Variants in TMEM255B observed in about 807,000 individuals in gnomAD.
The protein encoded by TMEM255B is transmembrane protein 255B.
Under a neutral mutation model 34.5 loss-of-function variants are expected in TMEM255B, and 35 were observed. That is an observed-to-expected ratio of 1.01 (90% CI 0.77 to 1.34). TMEM255B has a LOEUF of 1.34. Ranked by LOEUF, TMEM255B falls within the 40% of genes most tolerant of loss-of-function variation. TMEM255B has a pLI of 0.00. For synonymous variants in TMEM255B, 206 were observed against 201.2 expected, an observed-to-expected ratio of 1.02 and a Z score of -0.20; for missense variants, 432 against 433.2, an observed-to-expected ratio of 1.00 and a Z score of 0.02.
intron 3 of TMEM255B, among the ~76,000 whole-genome samples, chr13:113,794,492 A>G (rs1258641931): frequency 6.6e-6 from 1 of 152,060 alleles, no homozygotes; most frequent in East Asian, 1.9e-4. Context: ...GCGGCCATTC[A>G]GGAGGGTCTG....
At chr13:113,786,488 GTCACCATCA>G (rs1431190550) in intron 3 of TMEM255B, among the ~76,000 whole-genome samples, 3 of 149,268 alleles carry the variant, frequency 2.0e-5, no homozygotes, top group Non-Finnish European at 4.4e-5. Context: ...CATCACTGTT[GTCACCATCA>G]TCACCATCAC....
intron 7 of TMEM255B, among the ~76,000 whole-genome samples, chr13:113,803,631 T>G (rs2051106199): frequency 8.5e-6 from 1 of 118,238 alleles, no homozygotes; most frequent in African/African-American, 2.9e-5. Context: ...CTGTCAGAAC[T>G]GCAAATCTCC....
chr13:113,768,011 G>T (rs994473644), intron 2 of TMEM255B: 1 of 341,184 alleles, frequency 2.9e-6, no homozygotes, highest in African/African-American at 2.2e-5. Context: ...ATGTGTACGT[G>T]TCTATCACCA....
chr13:113,772,123 A>G (rs773274557), intron 3 of TMEM255B, among the ~76,000 whole-genome samples: 1 of 152,116 alleles, frequency 6.6e-6, no homozygotes, highest in Admixed American at 6.5e-5. Context: ...TCATGTGCCT[A>G]TTGGCCGTTT....
intron 3 of TMEM255B, among the ~76,000 whole-genome samples, chr13:113,794,380 T>C (rs7326506): frequency 0.25 from 37,652 of 151,696 alleles, 5,189 homozygotes; most frequent in African/African-American, 0.37. Context: ...CCTCTGCTGT[T>C]ACCGATGGGT....
intron 3 of TMEM255B, among the ~76,000 whole-genome samples, chr13:113,781,035 AT>A (rs1311136832): frequency 2.0e-5 from 3 of 152,220 alleles, no homozygotes; most frequent in Non-Finnish European, 4.4e-5. Flanking sequence ...TTCCTGTATA[AT>A]TTTTATACCA....
At chr13:113,783,259 C>T (rs563065987) in intron 3 of TMEM255B, among the ~76,000 whole-genome samples, 79 of 152,162 alleles carry the variant, frequency 5.2e-4, no homozygotes, top group Middle Eastern at 3.4e-3. Flanking sequence ...TCCATGCCTG[C>T]GAGGGGACAG....
rs151299744 is a variant in TMEM255B at position 113,770,036 on chromosome 13, C to T, written c.252+876C>T. 2.6e-4 allele frequency among the ~76,000 whole-genome samples: 39 copies of T among 152,228 alleles called. 1 individual carries two copies. The highest frequency in any genetic ancestry group is 7.2e-4 in the Admixed American group (11 of 15,284). On this transcript the variant is annotated intron_variant, in intron 3 of 8. Coordinates refer to ENST00000375353, the MANE Select transcript of TMEM255B (RefSeq NM_182614.4). The surrounding 1 kb of genome is among the most constrained non-coding windows in gnomAD (Gnocchi z 4.6). Reference sequence around the variant, plus strand: ...GAGGGAGGGTGAGATGGCTGGGCCGCGGTGTATGCCCTCGGAACCCTGTAT... The same window carrying T: ...GAGGGAGGGTGAGATGGCTGGGCCGTGGTGTATGCCCTCGGAACCCTGTAT...
At chr13:113,808,753 T>G (rs2051234133) in intron 8 of TMEM255B, among the ~76,000 whole-genome samples, 1 of 128,330 alleles carries the variant, frequency 7.8e-6, no homozygotes, top group East Asian at 2.8e-4. Context: ...TCTTTGGGGT[T>G]TAACTCTGTG....
rs533653673 is a variant in TMEM255B at position 113,800,051 on chromosome 13, G to A, written c.423+632G>A. 3.3e-6 allele frequency: 4 copies of A among 1,206,536 alleles called. No homozygotes were observed. The African/African-American group carries it at 6.3e-5, about 19-fold the overall frequency. 74.7% of individuals were successfully genotyped at this position (1,206,536 alleles called of 1,614,324 possible). A position where few individuals can be genotyped will look rare whatever the true frequency, so the allele number is the denominator to read the frequency against. On this transcript the variant is annotated intron_variant, in intron 5 of 8. Coordinates refer to ENST00000375353, the MANE Select transcript of TMEM255B (RefSeq NM_182614.4). Reference sequence around the variant, plus strand: ...GCTTGTCTGGGACTCTCCAGCAGCTGCCGGGAGGCATCGTGTGTGTGTGTG... The same window carrying A: ...GCTTGTCTGGGACTCTCCAGCAGCTACCGGGAGGCATCGTGTGTGTGTGTG...
intron 5 of TMEM255B, among the ~76,000 whole-genome samples, chr13:113,800,358 G>C (rs921708758): frequency 6.2e-5 from 9 of 146,000 alleles, no homozygotes; most frequent in Non-Finnish European, 1.2e-4. Context: ...GGTGTCCCCT[G>C]GCCAGGGCTT....
rs1272116168 is a variant in TMEM255B, at chr13:113,799,412, AG to A, written c.417del (p.Thr140GlnfsTer14). On this transcript the variant is annotated frameshift_variant, in exon 5 of 9. Coordinates refer to ENST00000375353, the MANE Select transcript of TMEM255B (RefSeq NM_182614.4). LOFTEE classifies it high-confidence loss of function. ...SGVGYLYDVYQTEVTCHSLDG... is the reference protein window; with the variant it reads ...SGVGYLYDVYXTEVTCHSLDG... ...GTGGGGTACTTGTACGATGTCTACC[AG>A]ACAGAGGTGAGCAGGAGCACTGAGA... The A allele has an allele frequency of 6.2e-7, 1 of 1,614,042 alleles. No individual in the cohort carries two copies. The highest frequency in any genetic ancestry group is 1.7e-5 in the Admixed American group (1 of 60,014).
Position 113,806,897 on chromosome 13 carries a change from TAC to T in TMEM255B, c.813+1873_813+1874del. Among the ~76,000 whole-genome samples the T allele has an allele frequency of 6.6e-6, 1 of 152,238 alleles. No homozygotes were observed. The highest frequency in any genetic ancestry group is 2.4e-5 in the African/African-American group (1 of 41,520). ...CCTGCAGGTGCTCCCCAAGCGGCTC[TAC>T]ACAGACACAGACTTGGAATCGCATG... On this transcript the variant is annotated intron_variant, in intron 8 of 8. Coordinates refer to ENST00000375353, the MANE Select transcript of TMEM255B (RefSeq NM_182614.4). The surrounding 1 kb of genome is among the most constrained non-coding windows in gnomAD (Gnocchi z 4.2).
At chr13:113,776,923 G>C (rs2050589105) in intron 3 of TMEM255B, among the ~76,000 whole-genome samples, 1 of 152,140 alleles carries the variant, frequency 6.6e-6, no homozygotes, top group African/African-American at 2.4e-5. Context: ...AACGCCTATG[G>C]ATGCATTGGT....
chr13:113,791,644 C>T (rs1442711046), intron 3 of TMEM255B, among the ~76,000 whole-genome samples: 1 of 152,224 alleles, frequency 6.6e-6, no homozygotes, highest in Non-Finnish European at 1.5e-5. Flanking sequence ...GTCCTTAGAG[C>T]CGCACCTGCA....
intron 3 of TMEM255B, among the ~76,000 whole-genome samples, chr13:113,782,179 C>G (rs1242129058): frequency 6.6e-6 from 1 of 152,110 alleles, no homozygotes; most frequent in Non-Finnish European, 1.5e-5. Flanking sequence ...CTTTATATCT[C>G]TCTTATTTCC....
Position 113,812,209 on chromosome 13 carries a change from A to C in TMEM255B, c.*306A>C. 2.4e-6 allele frequency: 1 copy of C among 412,444 alleles called. No homozygotes were observed. The highest frequency in any genetic ancestry group is 4.3e-6 in the Non-Finnish European group (1 of 232,038). 25.5% of individuals were successfully genotyped at this position (412,444 alleles called of 1,614,324 possible). A position where few individuals can be genotyped will look rare whatever the true frequency, so the allele number is the denominator to read the frequency against. On this transcript the variant is annotated 3_prime_UTR_variant, in exon 9 of 9. Coordinates refer to ENST00000375353, the MANE Select transcript of TMEM255B (RefSeq NM_182614.4). ...CTGGTGTTTTCACATCCCTTAATTA[A>C]TTAGCTATTATTATGATTTTGCAAA...
rs2051343519 is a variant in TMEM255B at position 113,812,879 on chromosome 13, A to AGTGGGTCACAGGACCCGG, written c.*988_*989insACCCGGGTGGGTCACAGG. 1 of 69,290 alleles carries AGTGGGTCACAGGACCCGG rather than the reference A, an allele frequency of 1.4e-5. No individual in the cohort carries two copies. The allele number at this position is 69,290 out of a possible 1,614,324, so 4.3% of individuals were successfully genotyped here. A position where few individuals can be genotyped will look rare whatever the true frequency, so the allele number is the denominator to read the frequency against. On this transcript the variant is annotated 3_prime_UTR_variant, in exon 9 of 9. Transcript: ENST00000375353. Reference sequence around the variant, plus strand: ...CATCCCGGGTGGGTCACAGGTCCCGAGTGGGTCACAGGCCCCGGGTGAGTC... The same window carrying AGTGGGTCACAGGACCCGG: ...CATCCCGGGTGGGTCACAGGTCCCGAGTGGGTCACAGGACCCGGGTGGGTCACAGGCCCCGGGTGAGTC...
In TMEM255B at chr13:113,815,874, C is replaced by CTGAGG. The variant is rs2051395580; in HGVS notation, c.*3972_*3976dup. On this transcript the variant is annotated 3_prime_UTR_variant, in exon 9 of 9. Coordinates refer to ENST00000375353, the MANE Select transcript of TMEM255B (RefSeq NM_182614.4). ...GAGAGGAAGGAAGCTCTAACGGGTG[C>CTGAGG]TGAGGCTGTAACACACAGTGCTCAG... 6.5e-6 allele frequency: 1 copy of CTGAGG among 153,974 alleles called. No individual in the cohort carries two copies. The highest frequency in any genetic ancestry group is 2.4e-5 in the African/African-American group (1 of 41,452). The allele number at this position is 153,974 out of a possible 1,614,324, so 9.5% of individuals were successfully genotyped here.
Sources: allele counts gnomAD v4.1 joint callset (sites outside exome capture counted in the v4.1 genomes callset), GRCh38; gene constraint gnomAD v4.1.1; non-coding constraint Gnocchi (gnomAD v3.1); transcripts MANE v1.5; gene names NCBI Gene and HGNC (gene_info 2026-07-23, HGNC 2026-07-21).